Variants in RGS5 observed in about 807,000 individuals in gnomAD.
RGS5 encodes the protein regulator of G protein signaling 5.
Under a neutral mutation model 18.9 loss-of-function variants are expected in RGS5, and 20 were observed. The ratio of observed to expected loss-of-function variants is 1.06; its 90% CI spans 0.74 to 1.54. RGS5 has a LOEUF of 1.54. Ranked by LOEUF, RGS5 falls within the 40% of genes most tolerant of loss-of-function variation. The pLI, the probability that RGS5 is intolerant of heterozygous loss-of-function variation, is 0.00. For missense variants in RGS5, 201 were observed against 211.8 expected, an observed-to-expected ratio of 0.95 and a Z score of 0.32; for synonymous variants, 57 against 76.2, an observed-to-expected ratio of 0.75 and a Z score of 1.31.
At chr1:163,304,661 C>T (rs1279596239) in intron 2 of RGS5, 1 of 152,222 alleles carries the variant, frequency 6.6e-6, no homozygotes, top group Non-Finnish European at 1.5e-5. Context: ...CATGTTTATA[C>T]TGCCAGCACC....
intron 1 of RGS5, among the ~76,000 whole-genome samples, chr1:163,188,724 C>A (rs182215753): frequency 1.3e-5 from 2 of 152,052 alleles, no homozygotes; most frequent in Non-Finnish European, 2.9e-5. Context: ...CTTTGGGAGG[C>A]CGAGCCAGGC....
At chr1:163,269,047 T>G (rs1435438344) in intron 2 of RGS5, among the ~76,000 whole-genome samples, 1 of 152,128 alleles carries the variant, frequency 6.6e-6, no homozygotes, top group Non-Finnish European at 1.5e-5. Context: ...CCTGCAGTCC[T>G]GAAAGGAATA....
At chr1:163,238,564 T>C (rs566962719) in intron 2 of RGS5, 27 of 165,286 alleles carry the variant, frequency 1.6e-4, no homozygotes, top group Non-Finnish European at 3.1e-4. Context: ...GGGACAATTG[T>C]AGAGCAACCT....
chr1:163,281,475 G>A lies in RGS5; in HGVS notation c.-281+24758C>T, dbSNP rs76781543. Among the ~76,000 whole-genome samples, 103 of 152,126 alleles carry A rather than the reference G, an allele frequency of 6.8e-4. 3 individuals are homozygous for A. In the East Asian group the frequency reaches 0.017, roughly 24 times the overall value. On this transcript the variant is annotated intron_variant, in intron 2 of 5. Coordinates refer to the RGS5 transcript ENST00000618415. ...CAGGAGCAAGAGAAAAGAGGACGAG[G>A]GGGCCAGCCAGGCTCCTTTAAACAA...
chr1:163,188,937 G>A (rs182673907), intron 1 of RGS5, among the ~76,000 whole-genome samples: 2 of 128,776 alleles, frequency 1.6e-5, no homozygotes, highest in Admixed American at 1.8e-4. Context: ...TGGCAACAGA[G>A]CGAGACCCCA....
intron 1 of RGS5, 66 bp from the exon 2 acceptor site, chr1:163,168,434 T>TCGCC: frequency 8.5e-7 from 1 of 1,175,400 alleles, no homozygotes; most frequent in Non-Finnish European, 1.2e-6. Flanking sequence ...AGAAGAGATT[T>TCGCC]CTTCCTGTGT....
intron 2 of RGS5, among the ~76,000 whole-genome samples, chr1:163,292,405 T>C (rs1181981015): frequency 6.6e-6 from 1 of 152,228 alleles, no homozygotes; most frequent in East Asian, 1.9e-4. Context: ...ACATTTTCTT[T>C]ATCCAGTCTA....
At chr1:163,261,042 T>TATA (rs1351602028) in intron 2 of RGS5, among the ~76,000 whole-genome samples, 1 of 152,224 alleles carries the variant, frequency 6.6e-6, no homozygotes, top group Non-Finnish European at 1.5e-5. Context: ...GTTAAGCTTG[T>TATA]ATAAATCTGA....
chr1:163,272,603 C>T (rs905681519), intron 2 of RGS5, among the ~76,000 whole-genome samples: 3 of 151,830 alleles, frequency 2.0e-5, no homozygotes, highest in Non-Finnish European at 4.4e-5. Flanking sequence ...AGGTAGGGGC[C>T]TAAGTTTTTT....
intron 2 of RGS5, among the ~76,000 whole-genome samples, chr1:163,166,470 A>G (rs1658057545): frequency 6.6e-6 from 1 of 152,214 alleles, no homozygotes; most frequent in South Asian, 2.1e-4. Flanking sequence ...GAGAAATTTT[A>G]AAGTGAGAGA....
intron 4 of RGS5, among the ~76,000 whole-genome samples, chr1:163,147,918 C>CTT (rs534448527): frequency 2.2e-4 from 17 of 78,094 alleles, no homozygotes; most frequent in Admixed American, 9.0e-4. Context: ...TTTTCTTTTT[C>CTT]TTTTTTTTTT....
chr1:163,222,624 T>G (rs1479280873), upstream of RGS5, among the ~76,000 whole-genome samples: 1 of 152,162 alleles, frequency 6.6e-6, no homozygotes, highest in East Asian at 1.9e-4. Context: ...ATGGAAAGCT[T>G]AGAAGAATCT....
At chr1:163,155,750 C>T (rs1020489791) in intron 3 of RGS5, among the ~76,000 whole-genome samples, 1 of 152,174 alleles carries the variant, frequency 6.6e-6, no homozygotes, top group African/African-American at 2.4e-5. Flanking sequence ...CCAGTAGAGC[C>T]TCAGCACACC....
intron 2 of RGS5, among the ~76,000 whole-genome samples, chr1:163,291,307 A>G (rs1293651842): frequency 6.6e-6 from 1 of 152,114 alleles, no homozygotes; most frequent in Non-Finnish European, 1.5e-5. Context: ...AGCCAACCCC[A>G]TCATGCCTTT....
chr1:163,174,369 A>G (rs566415424), intron 1 of RGS5, among the ~76,000 whole-genome samples: 36 of 152,358 alleles, frequency 2.4e-4, no homozygotes, highest in African/African-American at 8.4e-4. Flanking sequence ...CCTGGCATTT[A>G]ATAGCATTCA....
intron 2 of RGS5, among the ~76,000 whole-genome samples, chr1:163,296,139 T>C (rs1011592733): frequency 2.0e-5 from 3 of 152,212 alleles, no homozygotes; most frequent in Non-Finnish European, 4.4e-5. Context: ...GCTACACTTA[T>C]GTAAATAATC....
chr1:163,223,367 G>A (rs1647270429), intron 2 of RGS5, among the ~76,000 whole-genome samples: 1 of 152,202 alleles, frequency 6.6e-6, no homozygotes, highest in African/African-American at 2.4e-5. Flanking sequence ...ATCACAGGAT[G>A]ATAGGGTACA....
chr1:163,279,554 A>C (rs1166551732), intron 2 of RGS5, among the ~76,000 whole-genome samples: 2 of 152,020 alleles, frequency 1.3e-5, no homozygotes, highest in African/African-American at 4.8e-5. Flanking sequence ...AGCACTAAAC[A>C]ACTACATCAA....
intron 1 of RGS5, among the ~76,000 whole-genome samples, chr1:163,186,599 A>AAAAAAG (rs1553216791): frequency 5.6e-5 from 5 of 89,844 alleles, no homozygotes; most frequent in East Asian, 3.6e-4. Flanking sequence ...AAAAAAAAAG[A>AAAAAAG]AAAAGAAAAG....
Sources: gnomAD v4.1 joint callset for allele counts (sites outside exome capture counted in the v4.1 genomes callset) on GRCh38, gnomAD v4.1.1 for gene constraint, MANE v1.5 for transcripts, NCBI Gene and HGNC (gene_info 2026-07-23, HGNC 2026-07-21) for gene names.